Variants in PDZD8 observed in about 807,000 individuals in gnomAD.
PDZD8 encodes the protein PDZ domain-containing protein 8.
PDZD8 carries 14 observed loss-of-function variants against 85.8 expected under a neutral mutation model. The observed-to-expected ratio is 0.16, with a 90% CI of 0.11 to 0.26. The LOEUF (loss-of-function observed/expected upper bound fraction) is 0.26, where lower values mean the gene tolerates loss of function less well. Among genes scored for constraint, PDZD8 ranks in the 10% least tolerant of loss-of-function variants. The probability of loss-of-function intolerance (pLI) is 1.00; values close to 1 mark genes in which losing one functional copy is unlikely to be tolerated. For missense variants in PDZD8, 1,197 were observed against 1,424.3 expected (o/e 0.84, Z 2.57); for synonymous variants, 592 against 568.6 (o/e 1.04, Z -0.59).
chr10:117,356,120 T>G (rs1026724392), intron 1 of PDZD8, among the ~76,000 whole-genome samples: 1 of 152,152 alleles, frequency 6.6e-6, no homozygotes, highest in Non-Finnish European at 1.5e-5. Flanking sequence ...CAGTCTTATT[T>G]GTAAACTATC....
rs1236212028 is a variant in PDZD8, at chr10:117,290,261, T to C, written c.1186A>G (p.Ile396Val). 9 of 1,613,988 alleles carry C rather than the reference T, an allele frequency of 5.6e-6. No individual in the cohort carries two copies. Among genetic ancestry groups the C allele is most frequent in the South Asian group, 1.1e-5 (1 of 91,070 alleles). Reference sequence around the variant, plus strand: ...GGCGAGTTTGGAGCCACAGTTTCAATGATGACGTGCCCAGCATACCCATCA... The same window carrying C: ...GGCGAGTTTGGAGCCACAGTTTCAACGATGACGTGCCCAGCATACCCATCA... ...STDGYAGHVI[I>V]ETVAPNSPAA... Residue 396 changes from isoleucine to valine, a missense_variant, in exon 4 of 5, where the codon ATT becomes GTT. Around this residue, in one of 4 missense-constraint regions of PDZD8, gnomAD observed 344 missense variants for 453.6 expected, o/e 0.76. Transcript: ENST00000334464.
At chr10:117,370,058 G>A (rs1443194044) in intron 1 of PDZD8, among the ~76,000 whole-genome samples, 1 of 151,904 alleles carries the variant, frequency 6.6e-6, no homozygotes, top group East Asian at 1.9e-4. Context: ...GAACATTAGT[G>A]GTAATCTTTC....
At chr10:117,343,319 T>C (rs1410994989) in intron 1 of PDZD8, among the ~76,000 whole-genome samples, 1 of 152,148 alleles carries the variant, frequency 6.6e-6, no homozygotes, top group Non-Finnish European at 1.5e-5. Flanking sequence ...AGTGGTTTTC[T>C]CCTGTTTCTA....
intron 2 of PDZD8, among the ~76,000 whole-genome samples, chr10:117,332,030 A>G (rs537631596): frequency 2.0e-5 from 3 of 152,322 alleles, no homozygotes; most frequent in Admixed American, 2.0e-4. Context: ...CTTTTATTTA[A>G]CTGCATATAA....
At position 117,325,404 on chromosome 10, in the gene PDZD8, C is replaced by CTTTTTTTTTTTTTTTTTT. The variant is rs71013659; in HGVS notation, c.996-6431_996-6430insAAAAAAAAAAAAAAAAAA. On this transcript the variant is annotated intron_variant, in intron 2 of 4. Coordinates refer to ENST00000334464, the MANE Select transcript of PDZD8 (RefSeq NM_173791.5). ...CTATCAAAAGTTCCAGAAAAGCCAA[C>CTTTTTTTTTTTTTTTTTT]TTTTTTTTTTTTTTTTGAGACAGAG... is the stretch of plus-strand genomic sequence containing the variant. Among the ~76,000 whole-genome samples, 6 of 99,824 alleles carry CTTTTTTTTTTTTTTTTTT rather than the reference C, an allele frequency of 6.0e-5. 1 individual carries two copies. Among genetic ancestry groups the CTTTTTTTTTTTTTTTTTT allele is most frequent in the Non-Finnish European group, 5.8e-5 (3 of 51,772 alleles). 65.5% of individuals were successfully genotyped at this position (99,824 alleles called of 152,430 possible).
At chr10:117,323,042 G>A (rs1159126791) in intron 2 of PDZD8, among the ~76,000 whole-genome samples, 1 of 152,136 alleles carries the variant, frequency 6.6e-6, no homozygotes, top group African/African-American at 2.4e-5. Flanking sequence ...ACATGTATGA[G>A]TATTAAGCCT....
chr10:117,308,419 C>T (rs1479552173), intron 3 of PDZD8, among the ~76,000 whole-genome samples: 1 of 151,962 alleles, frequency 6.6e-6, no homozygotes, highest in Non-Finnish European at 1.5e-5. Flanking sequence ...TTTATGAGGA[C>T]ACACAAAATA....
Position 117,281,689 on chromosome 10 carries a change from G to A in PDZD8, c.*1579C>T, listed in dbSNP as rs1000703035. On this transcript the variant is annotated 3_prime_UTR_variant, in exon 5 of 5. Coordinates refer to ENST00000334464, the MANE Select transcript of PDZD8 (RefSeq NM_173791.5). ...GTAAAGTATTATTATTCCCATTTTAGAGATGGGTCCTTTTGTAACTGCCTA... is the reference window on the plus strand; with the variant it reads ...GTAAAGTATTATTATTCCCATTTTAAAGATGGGTCCTTTTGTAACTGCCTA... 60 of 152,140 alleles carry A rather than the reference G, an allele frequency of 3.9e-4. No homozygotes were observed. Among genetic ancestry groups the A allele is most frequent in the African/African-American group, 1.4e-3 (59 of 41,416 alleles). 9.4% of individuals were successfully genotyped at this position (152,140 alleles called of 1,614,324 possible).
intron 3 of PDZD8, among the ~76,000 whole-genome samples, chr10:117,291,028 C>A (rs1197889715): frequency 1.3e-5 from 2 of 151,482 alleles, no homozygotes; most frequent in Non-Finnish European, 2.9e-5. Flanking sequence ...CACCACTACG[C>A]CTGGCAAGTT....
At chr10:117,355,613 T>A (rs964832823) in intron 1 of PDZD8, among the ~76,000 whole-genome samples, 5 of 151,806 alleles carry the variant, frequency 3.3e-5, no homozygotes, top group African/African-American at 4.9e-5. Context: ...GAGACTCGGT[T>A]TCCTCAGAGG....
intron 2 of PDZD8, among the ~76,000 whole-genome samples, chr10:117,332,547 C>T (rs1844437031): frequency 7.4e-6 from 1 of 135,594 alleles, no homozygotes. Context: ...GCTCTTGTTG[C>T]CCAGGCTGGA....
At chr10:117,359,373 G>T (rs889937463) in intron 1 of PDZD8, among the ~76,000 whole-genome samples, 1 of 151,744 alleles carries the variant, frequency 6.6e-6, no homozygotes, top group Non-Finnish European at 1.5e-5. Flanking sequence ...CCATGAGTGT[G>T]CCACTACACT....
intron 2 of PDZD8, among the ~76,000 whole-genome samples, chr10:117,333,424 TA>T (rs1033060754): frequency 3.3e-5 from 5 of 152,034 alleles, no homozygotes; most frequent in African/African-American, 7.2e-5. Context: ...TATTTTTCCT[TA>T]AAAAAATGTC....
intron 2 of PDZD8, among the ~76,000 whole-genome samples, chr10:117,319,433 A>ACACACACACACT (rs1403355327): frequency 4.7e-3 from 109 of 22,984 alleles, no homozygotes; most frequent in African/African-American, 6.3e-3. Flanking sequence ...ACACACACAC[A>ACACACACACACT]CTCTTCATCT....
intron 1 of PDZD8, among the ~76,000 whole-genome samples, chr10:117,358,264 T>A (rs370456391): frequency 1.3e-5 from 2 of 152,264 alleles, no homozygotes; most frequent in East Asian, 3.9e-4. Context: ...AAGTGAAATA[T>A]CACTATTATG....
At chr10:117,291,929 A>G (rs1313169375) in intron 3 of PDZD8, among the ~76,000 whole-genome samples, 2 of 151,970 alleles carry the variant, frequency 1.3e-5, no homozygotes, top group Non-Finnish European at 2.9e-5. Context: ...ATGGCGCTCA[A>G]TTACAAATCA....
chr10:117,346,121 A>G (rs1471403662), intron 1 of PDZD8, among the ~76,000 whole-genome samples: 1 of 151,366 alleles, frequency 6.6e-6, no homozygotes, highest in Non-Finnish European at 1.5e-5. Context: ...TGCACCTGTA[A>G]TCCCAGCTAC....
Position 117,299,670 on chromosome 10 carries a change from T to G in PDZD8, c.1099-9322A>C, listed in dbSNP as rs145279153. The stretch of plus-strand genomic sequence containing the variant: ...TGTCTTTCATTTCCAGAAATTGTGG[T>G]TGCTTTTTCTTTATGATATCTATTT... On this transcript the variant is annotated intron_variant, in intron 3 of 4. Coordinates refer to ENST00000334464, the MANE Select transcript of PDZD8 (RefSeq NM_173791.5). 2.9e-3 allele frequency among the ~76,000 whole-genome samples: 445 copies of G among 152,266 alleles called. 3 individuals carry two copies. Among genetic ancestry groups the G allele is most frequent in the African/African-American group, 0.01 (418 of 41,580 alleles).
chr10:117,373,458 C>T (rs769976733), intron 1 of PDZD8, among the ~76,000 whole-genome samples: 5 of 152,016 alleles, frequency 3.3e-5, no homozygotes, highest in African/African-American at 4.8e-5. Flanking sequence ...TTCCCATCTG[C>T]TGTGGAAAGT....
Sources: allele counts gnomAD v4.1 joint callset (sites outside exome capture counted in the v4.1 genomes callset), GRCh38; gene constraint gnomAD v4.1.1; regional missense constraint gnomAD v4.1.1; transcripts MANE v1.5; gene names NCBI Gene and HGNC (gene_info 2026-07-23, HGNC 2026-07-21).